CHURC1: variants seen among roughly 807,000 people sequenced by gnomAD.
CHURC1 encodes the protein protein Churchill.
CHURC1 carries 12 observed loss-of-function variants against 15.4 expected under a neutral mutation model. The ratio of observed to expected loss-of-function variants is 0.78; its 90% confidence interval spans 0.50 to 1.27. The LOEUF (loss-of-function observed/expected upper bound fraction) is 1.27, where lower values mean the gene tolerates loss of function less well. Among genes scored for constraint, CHURC1 ranks in the 50% most tolerant of loss-of-function variants. CHURC1 has a pLI of 0.00. For missense variants in CHURC1, 132 were observed against 137.8 expected (o/e 0.96, Z 0.21); for synonymous variants, 42 against 47.5 (o/e 0.88, Z 0.48).
rs973202258 is a variant in CHURC1 at position 64,932,323 on chromosome 14, C to A, written c.*93C>A. The A allele has an allele frequency of 7.8e-6, 12 of 1,531,952 alleles. No homozygotes were observed. The highest frequency in any genetic ancestry group is 1.7e-4 in the Middle Eastern group (1 of 5,752). The allele number at this position is 1,531,952 out of a possible 1,614,324, so 94.9% of individuals were successfully genotyped here. On this transcript the variant is annotated 3_prime_UTR_variant, in exon 4 of 4. Coordinates refer to ENST00000549115, the MANE Select transcript of CHURC1 (RefSeq NM_001386928.1). ...TCTTATTTCATTCATACTGAAAATTCTTTGCATATTTTTTTTCTGCTTAGA... is the reference window on the plus strand; with the variant it reads ...TCTTATTTCATTCATACTGAAAATTATTTGCATATTTTTTTTCTGCTTAGA...
At chr14:64,921,201 A>C (rs1462815716) in intron 1 of CHURC1, among the ~76,000 whole-genome samples, 2 of 152,236 alleles carry the variant, frequency 1.3e-5, no homozygotes, top group Non-Finnish European at 2.9e-5. Context: ...AATTATTTCA[A>C]AATGGATTAT....
rs181664389 is a variant in CHURC1 at position 64,917,742 on chromosome 14, A to T, written c.39+3208A>T. The stretch of plus-strand genomic sequence containing the variant: ...CCTGTTGAAAAAAAAAAGAATTAAC[A>T]AGATTCAACCTGTTTAATGTAGAAG... On this transcript the variant is annotated intron_variant, in intron 1 of 3. Transcript: ENST00000549115. 8.3e-4 allele frequency among the ~76,000 whole-genome samples: 127 copies of T among 152,324 alleles called. 3 individuals carry two copies. In the South Asian group the frequency reaches 0.02, roughly 24 times the overall value.
At position 64,933,352 on chromosome 14, in the gene CHURC1, A is replaced by T. The variant is rs1449252147; in HGVS notation, c.*1122A>T. 1 of 984,130 alleles carries T rather than the reference A, an allele frequency of 1.0e-6. No homozygotes were observed. The highest frequency in any genetic ancestry group is 6.1e-5 in the Admixed American group (1 of 16,270). The allele number at this position is 984,130 out of a possible 1,614,324, so 61.0% of individuals were successfully genotyped here. A position where few individuals can be genotyped will look rare whatever the true frequency, so the allele number is the denominator to read the frequency against. ...GAAATCTGAATACAGTGTGGACTTC[A>T]GTTAATATAAATGAGAAAATGGTTT... On this transcript the variant is annotated 3_prime_UTR_variant, in exon 4 of 4. Transcript: ENST00000549115.
rs1884532696 is a variant in CHURC1 at position 64,924,327 on chromosome 14, TAACTA to T, written c.175+204_175+208del. 1.7e-5 allele frequency: 9 copies of T among 523,946 alleles called. No individual in the cohort carries two copies. In the East Asian group the frequency reaches 3.3e-4, roughly 19 times the overall value. 32.5% of individuals were successfully genotyped at this position (523,946 alleles called of 1,614,324 possible). On this transcript the variant is annotated intron_variant, in intron 2 of 3. Transcript: ENST00000549115. ...AGTCTATGTAAATGACTTTTGCAGA[TAACTA>T]AAGCTTACGATTCAGGAACTGAATT...
At chr14:64,924,160 T>G (rs1202684212) in intron 2 of CHURC1, 34 bp downstream of exon 2, 1 of 1,577,706 alleles carries the variant, frequency 6.3e-7, no homozygotes, top group Non-Finnish European at 8.6e-7. Flanking sequence ...CTGAGTGTGT[T>G]AGCAGGTGTC....
chr14:64,930,909 C>T (rs1173846390), intron 3 of CHURC1: 2 of 447,772 alleles, frequency 4.5e-6, no homozygotes, highest in East Asian at 1.4e-4. Flanking sequence ...TTCATAAAGC[C>T]ATCTTTCCAC....
At chr14:64,915,116 T>C (rs902778209) in intron 1 of CHURC1, among the ~76,000 whole-genome samples, 1 of 152,210 alleles carries the variant, frequency 6.6e-6, no homozygotes, top group Non-Finnish European at 1.5e-5. Context: ...GGCATCCTTG[T>C]TGAACATTTA....
intron 3 of CHURC1, among the ~76,000 whole-genome samples, 190 bp downstream of exon 3, chr14:64,926,270 CTCCTGGGCTCAAGCAG>C (rs1884691698): frequency 7.8e-6 from 1 of 128,386 alleles, no homozygotes; most frequent in African/African-American, 3.1e-5. Flanking sequence ...TGGTATTGAA[CTCCTGGGCTCAAGCAG>C]TCCTCCCACC....
chr14:64,928,747 G>T (rs1328200951), intron 3 of CHURC1, among the ~76,000 whole-genome samples: 2 of 151,928 alleles, frequency 1.3e-5, no homozygotes, highest in Non-Finnish European at 2.9e-5. Flanking sequence ...TTGTCTTTTT[G>T]AAGCATTTCT....
intron 1 of CHURC1, among the ~76,000 whole-genome samples, chr14:64,919,588 C>T (rs904623272): frequency 4.6e-5 from 7 of 152,184 alleles, no homozygotes; most frequent in African/African-American, 1.4e-4. Context: ...CCACTTAAGA[C>T]AATGGAAAAA....
chr14:64,916,081 G>T (rs1883862779), intron 1 of CHURC1, among the ~76,000 whole-genome samples: 1 of 152,214 alleles, frequency 6.6e-6, no homozygotes. Context: ...AATGTCAATA[G>T]TGTGGAGGTA....
chr14:64,921,700 G>A (rs1884309677), intron 1 of CHURC1, among the ~76,000 whole-genome samples: 1 of 152,172 alleles, frequency 6.6e-6, no homozygotes, highest in Non-Finnish European at 1.5e-5. Flanking sequence ...CACATTGCTG[G>A]CAGGAATGTA....
chr14:64,918,383 T>C (rs1344232247), intron 1 of CHURC1, among the ~76,000 whole-genome samples: 1 of 152,246 alleles, frequency 6.6e-6, no homozygotes, highest in African/African-American at 2.4e-5. Context: ...CTCTTCCTAT[T>C]GTTCAGTAGA....
chr14:64,918,266 T>A (rs2139879882), intron 1 of CHURC1, among the ~76,000 whole-genome samples: 1 of 152,254 alleles, frequency 6.6e-6, no homozygotes, highest in East Asian at 1.9e-4. Flanking sequence ...GAAGGCAGAT[T>A]TAGAAATAAT....
rs527724301 is a variant in CHURC1, at chr14:64,918,568, G to A, written c.39+4034G>A. On this transcript the variant is annotated intron_variant, in intron 1 of 3. Coordinates refer to ENST00000549115, the MANE Select transcript of CHURC1 (RefSeq NM_001386928.1). ...GTGGGCCGGGCCTAGTGGCTCACAC[G>A]TGTAATCCTAACACTTTGGGAAGCC... Among the ~76,000 whole-genome samples, 6 of 152,290 alleles carry A rather than the reference G, an allele frequency of 3.9e-5. No individual in the cohort carries two copies. The East Asian group carries it at 9.6e-4, about 24-fold the overall frequency.
intron 2 of CHURC1, among the ~76,000 whole-genome samples, chr14:64,924,751 G>C (rs1434326136): frequency 6.6e-6 from 1 of 152,132 alleles, no homozygotes; most frequent in Non-Finnish European, 1.5e-5. Context: ...TCAATTCTGA[G>C]GTTAGCACTA....
chr14:64,923,901 T>G, intron 1 of CHURC1, 90 bp from the exon 2 acceptor site: 1 of 1,298,840 alleles, frequency 7.7e-7, no homozygotes. Context: ...TTTAGTTTTG[T>G]TTTGCCTTTA....
intron 3 of CHURC1, among the ~76,000 whole-genome samples, chr14:64,929,817 T>C (rs920817343): frequency 3.3e-5 from 5 of 151,944 alleles, no homozygotes; most frequent in African/African-American, 9.7e-5. Flanking sequence ...TTAAACAAAG[T>C]AGGATTTTCT....
At position 64,932,202 on chromosome 14, in the gene CHURC1, A is replaced by AC. The variant is rs746498285; in HGVS notation, c.316dup (p.Arg106ProfsTer53). The AC allele has an allele frequency of 3.1e-6, 5 of 1,613,858 alleles. No homozygotes were observed. In the African/African-American group the frequency reaches 4.0e-5, roughly 13 times the overall value. ...GATACTATCAGTATTCTCCCTGATGACCCCCGACAAATGACTCTCTTATTC... is the reference window on the plus strand; with the variant it reads ...GATACTATCAGTATTCTCCCTGATGACCCCCCGACAAATGACTCTCTTATTC... On this transcript the variant is annotated frameshift_variant, in exon 4 of 4. Transcript: ENST00000549115. LOFTEE classifies it high-confidence loss of function.
Sources: allele counts gnomAD v4.1 joint callset (sites outside exome capture counted in the v4.1 genomes callset), GRCh38; gene constraint gnomAD v4.1.1; transcripts MANE v1.5; gene names NCBI Gene and HGNC (gene_info 2026-07-23, HGNC 2026-07-21).